Variants in NETO2 observed in about 807,000 individuals in gnomAD.
NETO2 encodes the protein neuropilin and tolloid-like protein 2.
In NETO2, 28 loss-of-function variants were observed where a neutral mutation model predicts 62.5. The ratio of observed to expected loss-of-function variants is 0.45; its 90% CI spans 0.33 to 0.61. The LOEUF is 0.61. Among genes scored for constraint, NETO2 ranks in the 20% least tolerant of loss-of-function variants. The probability of loss-of-function intolerance (pLI) is 0.02; values close to 1 mark genes in which losing one functional copy is unlikely to be tolerated. For missense variants in NETO2, 548 were observed against 643.2 expected (o/e 0.85, Z 1.60); for synonymous variants, 214 against 219.1 (o/e 0.98, Z 0.21).
intron 6 of NETO2, among the ~76,000 whole-genome samples, chr16:47,119,313 G>A (rs886499311): frequency 1.3e-5 from 2 of 151,626 alleles, no homozygotes; most frequent in African/African-American, 2.4e-5. Flanking sequence ...CACCACGCCC[G>A]GCTAATTTTT....
At chr16:47,139,307 GCTT>G (rs1360074637) in intron 1 of NETO2, among the ~76,000 whole-genome samples, 2 of 152,158 alleles carry the variant, frequency 1.3e-5, no homozygotes, top group Non-Finnish European at 2.9e-5. Flanking sequence ...ATGTGACCTT[GCTT>G]TTTTAAATGC....
chr16:47,086,152 T>C (rs1159639428), intron 8 of NETO2, 74 bp downstream of exon 8: 2 of 878,690 alleles, frequency 2.3e-6, no homozygotes, highest in East Asian at 2.4e-5. Flanking sequence ...TTGTAGAAAA[T>C]AACATTTTAA....
chr16:47,104,586 A>T (rs558773872), intron 7 of NETO2, among the ~76,000 whole-genome samples: 1 of 152,356 alleles, frequency 6.6e-6, no homozygotes, highest in Non-Finnish European at 1.5e-5. Context: ...TTTGAAAAAC[A>T]AGAAAAAAGT....
intron 1 of NETO2, among the ~76,000 whole-genome samples, chr16:47,133,609 A>C (rs376619484): frequency 2.2e-3 from 22 of 9,886 alleles, no homozygotes; most frequent in East Asian, 7.0e-3. Flanking sequence ...CATAACATAA[A>C]ATAAAATAAA....
At chr16:47,095,845 C>G (rs1459803380) in intron 7 of NETO2, among the ~76,000 whole-genome samples, 1 of 152,106 alleles carries the variant, frequency 6.6e-6, no homozygotes, top group Non-Finnish European at 1.5e-5. Flanking sequence ...CACCCAATAA[C>G]AGAAAAATGT....
intron 4 of NETO2, among the ~76,000 whole-genome samples, chr16:47,123,431 A>G (rs1304724544): frequency 6.6e-6 from 1 of 152,122 alleles, no homozygotes; most frequent in African/African-American, 2.4e-5. Context: ...TTTTGAGCCC[A>G]GGAGGTTGAG....
At chr16:47,091,975 T>C (rs1451114704) in intron 7 of NETO2, among the ~76,000 whole-genome samples, 1 of 151,884 alleles carries the variant, frequency 6.6e-6, no homozygotes, top group Non-Finnish European at 1.5e-5. Flanking sequence ...CCAGAGTAGC[T>C]GGAACCACAG....
At chr16:47,129,492 C>A in intron 2 of NETO2, 128 bp from the exon 3 acceptor site, 1 of 896,872 alleles carries the variant, frequency 1.1e-6, no homozygotes. Context: ...GAACCACTGT[C>A]AAATTTAGCA....
Position 47,083,263 on chromosome 16 carries a change from C to A in NETO2, c.1536G>T (p.Gly512=), listed in dbSNP as rs751292408. The A allele has an allele frequency of 1.9e-6, 3 of 1,613,760 alleles. No homozygotes were observed. In the East Asian group the frequency reaches 6.7e-5, roughly 36 times the overall value. Reference sequence around the variant, plus strand: ...TGGATGCTTGTGCAGAATCTTCTCGCCCCCTGACATAAATTTCACAGGGAA... The same window carrying A: ...TGGATGCTTGTGCAGAATCTTCTCGACCCCTGACATAAATTTCACAGGGAA... ...EEIPCEIYVR[G]REDSAQASIS... Residue 512 remains glycine (G), a synonymous_variant, in exon 9 of 9, where the codon GGG becomes GGT. Coordinates refer to ENST00000562435, the MANE Select transcript of NETO2 (RefSeq NM_018092.5).
chr16:47,129,471 A>G, intron 2 of NETO2, 107 bp from the exon 3 acceptor site: 1 of 1,147,740 alleles, frequency 8.7e-7, no homozygotes. Flanking sequence ...TACATATATA[A>G]AATTTTCTAA....
Position 47,083,306 on chromosome 16 carries a change from T to C in NETO2, c.1493A>G (p.Asp498Gly), listed in dbSNP as rs1963109006. The change falls in exon 9 of 9, where the codon GAC (aspartate) becomes GGC (glycine). Residue 498 changes from aspartate (D) to glycine (G), a missense_variant. Asp to Gly is a moderately conservative substitution (Grantham distance 94). Coordinates refer to ENST00000562435, the MANE Select transcript of NETO2 (RefSeq NM_018092.5). ...ACAGGGAATCTCCTCCATTACTCGG[T>C]CTTCCAGGGCCTGCTCAGGGCACTC... The part of the protein sequence containing the change: ...GHECPEQALE[D>G]RVMEEIPCEI... 6.2e-7 allele frequency: 1 copy of C among 1,614,106 alleles called. No homozygotes were observed. Among genetic ancestry groups the C allele is most frequent in the African/African-American group, 1.3e-5 (1 of 74,940 alleles).
At position 47,082,071 on chromosome 16, in the gene NETO2, T is replaced by TA. The variant is rs1388529268; in HGVS notation, c.*1149dup. Reference sequence around the variant, plus strand: ...ACAGTATCAAATAATATCAAAAGTCTAAAAAACACAATGAGCTTTTATGTT... The same window carrying TA: ...ACAGTATCAAATAATATCAAAAGTCTAAAAAAACACAATGAGCTTTTATGTT... On this transcript the variant is annotated 3_prime_UTR_variant, in exon 9 of 9. Transcript: ENST00000562435. The TA allele has an allele frequency of 6.6e-6, 1 of 152,602 alleles. No individual in the cohort carries two copies. Among genetic ancestry groups the TA allele is most frequent in the Non-Finnish European group, 1.5e-5 (1 of 68,030 alleles). 9.5% of individuals were successfully genotyped at this position (152,602 alleles called of 1,614,324 possible). A position where few individuals can be genotyped will look rare whatever the true frequency, so the allele number is the denominator to read the frequency against.
At chr16:47,138,237 T>C (rs1175569617) in intron 1 of NETO2, among the ~76,000 whole-genome samples, 7 of 152,068 alleles carry the variant, frequency 4.6e-5, no homozygotes, top group Non-Finnish European at 2.9e-5. Context: ...CCGTCTCTAA[T>C]AAAAATACAA....
chr16:47,111,440 T>A (rs1963799250), intron 6 of NETO2, among the ~76,000 whole-genome samples: 1 of 152,358 alleles, frequency 6.6e-6, no homozygotes, highest in African/African-American at 2.4e-5. Context: ...TAAATACAGC[T>A]AAATATTGAA....
At chr16:47,141,421 TA>T (rs1964459212) in intron 1 of NETO2, among the ~76,000 whole-genome samples, 1 of 151,944 alleles carries the variant, frequency 6.6e-6, no homozygotes, top group East Asian at 1.9e-4. Context: ...TTTTTAAAAT[TA>T]AAATATTGAT....
chr16:47,107,470 A>T (rs1442797187), intron 7 of NETO2, among the ~76,000 whole-genome samples: 1 of 152,234 alleles, frequency 6.6e-6, no homozygotes, highest in African/African-American at 2.4e-5. Flanking sequence ...TCAAAGGGAT[A>T]TGGATTAGCA....
chr16:47,119,071 G>A (rs914604606), intron 6 of NETO2, among the ~76,000 whole-genome samples: 1 of 150,806 alleles, frequency 6.6e-6, no homozygotes, highest in African/African-American at 2.4e-5. Context: ...TTTCTACTTG[G>A]TTTGTTTCAT....
chr16:47,119,246 G>T (rs1203515666), intron 6 of NETO2, among the ~76,000 whole-genome samples: 1 of 151,306 alleles, frequency 6.6e-6, no homozygotes, highest in Non-Finnish European at 1.5e-5. Context: ...CCGCCTCCTG[G>T]GTTCACGCCA....
intron 8 of NETO2, among the ~76,000 whole-genome samples, chr16:47,085,103 A>G (rs1963156863): frequency 6.6e-6 from 1 of 152,216 alleles, no homozygotes; most frequent in African/African-American, 2.4e-5. Flanking sequence ...CAGCTTGCAG[A>G]CATTCAACCA....
Sources: gnomAD v4.1 joint callset for allele counts (sites outside exome capture counted in the v4.1 genomes callset) on GRCh38, gnomAD v4.1.1 for gene constraint, MANE v1.5 for transcripts, NCBI Gene and HGNC (gene_info 2026-07-23, HGNC 2026-07-21) for gene names.